OSBPL10: variants seen among roughly 807,000 people sequenced by gnomAD.
OSBPL10 encodes the protein oxysterol-binding protein-related protein 10.
In OSBPL10, 49 loss-of-function variants were observed where a neutral mutation model predicts 81.7. That is an observed-to-expected ratio of 0.60 (90% confidence interval 0.48 to 0.76). OSBPL10 has a LOEUF of 0.76. OSBPL10 is among the 30% of genes least tolerant of loss of function. The pLI is 0.00. For missense variants in OSBPL10, 923 were observed against 987.8 expected (o/e 0.93, Z 0.88); for synonymous variants, 419 against 383.6 (o/e 1.09, Z -1.08).
intron 4 of OSBPL10, among the ~76,000 whole-genome samples, chr3:31,822,913 T>TTAAAAAAAAAAAAAA (rs1700012989): frequency 2.2e-5 from 2 of 89,146 alleles, no homozygotes; most frequent in African/African-American, 3.9e-5. Context: ...CCCCCAACTC[T>TTAAAAAAAAAAAAAA]AAAAAAAAAA....
At chr3:31,700,112 C>T (rs1432537936) in intron 7 of OSBPL10, among the ~76,000 whole-genome samples, 1 of 150,942 alleles carries the variant, frequency 6.6e-6, no homozygotes, top group African/African-American at 2.4e-5. Flanking sequence ...TCAAGTCTTC[C>T]TTTGGTTTTT....
At chr3:31,672,455 C>T (rs1193466741) in intron 8 of OSBPL10, among the ~76,000 whole-genome samples, 4 of 134,578 alleles carry the variant, frequency 3.0e-5, no homozygotes, top group African/African-American at 5.7e-5. Flanking sequence ...GGTGGGAGTG[C>T]GGAGGGAGGG....
rs186149240 is a variant in OSBPL10 at position 31,675,658 on chromosome 3, C to T, written c.1727-4675G>A. Among the ~76,000 whole-genome samples the T allele has an allele frequency of 2.4e-4, 36 of 152,282 alleles. No individual in the cohort carries two copies. In the East Asian group the frequency reaches 7.0e-3, roughly 29 times the overall value. Reference sequence around the variant, plus strand: ...TCACCAACTGGCAATAAAGAGGAAACTGCAGGGCCAGGCGCAGTGGCTCAC... The same window carrying T: ...TCACCAACTGGCAATAAAGAGGAAATTGCAGGGCCAGGCGCAGTGGCTCAC... On this transcript the variant is annotated intron_variant, in intron 8 of 11. Transcript: ENST00000396556.
intron 1 of OSBPL10, among the ~76,000 whole-genome samples, chr3:31,947,328 C>T (rs1346373291): frequency 6.6e-6 from 1 of 152,154 alleles, no homozygotes; most frequent in Admixed American, 6.5e-5. Flanking sequence ...CACAGCACAT[C>T]ACCAAAGCTG....
chr3:32,043,208 C>T (rs540349894), intron 2 of OSBPL10, among the ~76,000 whole-genome samples: 8 of 152,204 alleles, frequency 5.3e-5, no homozygotes, highest in South Asian at 2.1e-4. Context: ...ATTAATATTC[C>T]TTGCTAGGAA....
At chr3:31,923,538 C>T (rs932232250) in intron 1 of OSBPL10, among the ~76,000 whole-genome samples, 1 of 152,132 alleles carries the variant, frequency 6.6e-6, no homozygotes, top group Non-Finnish European at 1.5e-5. Flanking sequence ...CCCTGTAATC[C>T]CAGCACTTTG....
chr3:32,055,328 T>C (rs1251712394), intron 1 of OSBPL10, among the ~76,000 whole-genome samples: 1 of 149,382 alleles, frequency 6.7e-6, no homozygotes. Context: ...ATCAGCCTCA[T>C]GAGTATCTGG....
At chr3:31,784,570 A>G (rs1559463721) in intron 4 of OSBPL10, among the ~76,000 whole-genome samples, 1 of 152,150 alleles carries the variant, frequency 6.6e-6, no homozygotes, top group Non-Finnish European at 1.5e-5. Context: ...TTAAATGACA[A>G]TAGCAAAAAT....
At chr3:31,774,162 CAAAA>C (rs550791243) in intron 4 of OSBPL10, among the ~76,000 whole-genome samples, 3 of 81,484 alleles carry the variant, frequency 3.7e-5, no homozygotes, top group African/African-American at 3.7e-5. Flanking sequence ...AACTCCATCT[CAAAA>C]AAAAAAAAAA....
chr3:31,946,651 C>G (rs891129796), intron 1 of OSBPL10, among the ~76,000 whole-genome samples: 1 of 152,152 alleles, frequency 6.6e-6, no homozygotes, highest in Non-Finnish European at 1.5e-5. Context: ...TGACAGGAAG[C>G]CTTTATCAAA....
intron 2 of OSBPL10, among the ~76,000 whole-genome samples, chr3:32,010,950 A>G (rs995619385): frequency 1.3e-5 from 2 of 152,156 alleles, no homozygotes; most frequent in African/African-American, 2.4e-5. Flanking sequence ...CAGGAAGCTC[A>G]AACTGGTTGG....
intron 1 of OSBPL10, among the ~76,000 whole-genome samples, chr3:32,053,576 G>T (rs1171681162): frequency 6.6e-6 from 1 of 152,116 alleles, no homozygotes; most frequent in African/African-American, 2.4e-5. Context: ...TTGGATAGAT[G>T]TGTCTATGAA....
At chr3:32,060,077 G>A (rs947728076) in intron 1 of OSBPL10, among the ~76,000 whole-genome samples, 1 of 147,846 alleles carries the variant, frequency 6.8e-6, no homozygotes, top group Non-Finnish European at 1.5e-5. Context: ...AAAAGTCAAT[G>A]AGCTATATAT....
chr3:31,780,490 GA>G (rs560081340), intron 4 of OSBPL10, among the ~76,000 whole-genome samples: 3,962 of 143,064 alleles, frequency 0.028, 73 homozygotes, highest in Middle Eastern at 0.036. Flanking sequence ...AAATGAAATT[GA>G]AAAAAAAAAT....
intron 5 of OSBPL10, among the ~76,000 whole-genome samples, chr3:31,741,118 T>C (rs1697334512): frequency 6.6e-6 from 1 of 152,148 alleles, no homozygotes; most frequent in Non-Finnish European, 1.5e-5. Context: ...CCTGTAACAG[T>C]GAATTCATGC....
At chr3:32,026,054 AGATGATAGATAGATAG>A (rs1469955939) in intron 2 of OSBPL10, among the ~76,000 whole-genome samples, 1 of 109,478 alleles carries the variant, frequency 9.1e-6, no homozygotes, top group African/African-American at 3.9e-5. Context: ...ATAGATAGAT[AGATGATAGATAGATAG>A]ATAGATAGAT....
chr3:31,741,153 T>C (rs1697335048), intron 5 of OSBPL10, among the ~76,000 whole-genome samples: 1 of 152,212 alleles, frequency 6.6e-6, no homozygotes, highest in Admixed American at 6.5e-5. Flanking sequence ...AAACATAAAA[T>C]GGTTTTCCAA....
intron 4 of OSBPL10, among the ~76,000 whole-genome samples, chr3:31,812,729 A>G (rs1446587290): frequency 1.7e-4 from 3 of 17,928 alleles, no homozygotes; most frequent in Non-Finnish European, 2.7e-4. Flanking sequence ...AAAGAAAGAA[A>G]GAAAGAAAGA....
intron 7 of OSBPL10, among the ~76,000 whole-genome samples, chr3:31,694,723 G>A (rs1161655559): frequency 6.6e-6 from 1 of 152,110 alleles, no homozygotes; most frequent in Non-Finnish European, 1.5e-5. Context: ...ATCTCAGCAA[G>A]CTCTTTCAAA....
Sources: allele counts gnomAD v4.1 joint callset (sites outside exome capture counted in the v4.1 genomes callset), GRCh38; gene constraint gnomAD v4.1.1; transcripts MANE v1.5; gene names NCBI Gene and HGNC (gene_info 2026-07-23, HGNC 2026-07-21).